Variants in SPAG16 observed in about 807,000 individuals in gnomAD.
SPAG16 encodes sperm associated antigen 16.
SPAG16 carries 86 observed loss-of-function variants against 80.4 expected under a neutral mutation model. The ratio of observed to expected loss-of-function variants is 1.07; its 90% CI spans 0.90 to 1.28. SPAG16 has a LOEUF of 1.28. Among genes scored for constraint, SPAG16 ranks in the 50% most tolerant of loss-of-function variants. The pLI is 0.00. For missense variants in SPAG16, 870 were observed against 765.3 expected, an observed-to-expected ratio of 1.14 and a Z score of -1.61; for synonymous variants, 294 against 265.9, an observed-to-expected ratio of 1.11 and a Z score of -1.03.
chr2:213,292,255 A>T (rs1357855616), intron 1 of SPAG16, among the ~76,000 whole-genome samples: 1 of 152,226 alleles, frequency 6.6e-6, no homozygotes, highest in African/African-American at 2.4e-5. Flanking sequence ...AGACATACAA[A>T]TGACCGCTTA....
chr2:213,774,143 T>G (rs1443892760), intron 10 of SPAG16, among the ~76,000 whole-genome samples: 8 of 152,302 alleles, frequency 5.3e-5, no homozygotes, highest in Non-Finnish European at 5.9e-5. Flanking sequence ...TCTTTTGGTC[T>G]CTTTATCTTG....
intron 11 of SPAG16, among the ~76,000 whole-genome samples, chr2:213,899,821 G>GT (rs984060464): frequency 2.4e-4 from 37 of 152,024 alleles, no homozygotes; most frequent in African/African-American, 7.2e-4. Flanking sequence ...CAATAAAGAG[G>GT]TTTTTTTCTA....
At chr2:214,267,891 T>C (rs1336792254) in intron 15 of SPAG16, among the ~76,000 whole-genome samples, 2 of 151,644 alleles carry the variant, frequency 1.3e-5, no homozygotes, top group Admixed American at 6.6e-5. Flanking sequence ...AGAAAACCCA[T>C]AGATCAGGAG....
intron 10 of SPAG16, among the ~76,000 whole-genome samples, chr2:213,737,103 G>T (rs1013784527): frequency 1.3e-5 from 2 of 152,152 alleles, no homozygotes; most frequent in African/African-American, 4.8e-5. Flanking sequence ...TCACTAAGAT[G>T]ATGGTTCTTG....
intron 10 of SPAG16, among the ~76,000 whole-genome samples, chr2:213,628,830 A>G (rs1427423485): frequency 1.3e-5 from 2 of 152,222 alleles, no homozygotes; most frequent in Non-Finnish European, 2.9e-5. Context: ...AACTGAAATT[A>G]CCTAACCAAG....
At chr2:213,377,999 GGCTGTCT>G (rs2125223728) in intron 9 of SPAG16, among the ~76,000 whole-genome samples, 1 of 151,772 alleles carries the variant, frequency 6.6e-6, no homozygotes, top group African/African-American at 2.4e-5. Context: ...TCCCACAATA[GGCTGTCT>G]GCAAACTAAG....
At chr2:213,620,284 T>G (rs936124872) in intron 10 of SPAG16, among the ~76,000 whole-genome samples, 4 of 58,890 alleles carry the variant, frequency 6.8e-5, no homozygotes, top group African/African-American at 1.7e-4. Context: ...TTATTGAGTT[T>G]TTTTTTTTTT....
intron 9 of SPAG16, among the ~76,000 whole-genome samples, chr2:213,393,925 A>T (rs1401862222): frequency 6.6e-6 from 1 of 151,964 alleles, no homozygotes; most frequent in Admixed American, 6.6e-5. Context: ...ATTTTTTTCC[A>T]TTAGATTGTT....
chr2:214,154,613 G>A (rs1217881769), intron 15 of SPAG16, among the ~76,000 whole-genome samples: 6 of 149,220 alleles, frequency 4.0e-5, no homozygotes, highest in African/African-American at 1.5e-4. Flanking sequence ...TTATTTAATA[G>A]GAAATTTGCA....
intron 10 of SPAG16, among the ~76,000 whole-genome samples, chr2:213,668,522 G>C (rs948346145): frequency 3.9e-4 from 59 of 151,840 alleles, no homozygotes; most frequent in African/African-American, 1.3e-3. Context: ...TATTTAGAGT[G>C]GTATATTTTC....
In SPAG16 at chr2:214,094,003, C is replaced by T. The variant is rs142231854; in HGVS notation, c.1528-14193C>T. On this transcript the variant is annotated intron_variant, in intron 13 of 15. Coordinates refer to ENST00000331683, the MANE Select transcript of SPAG16 (RefSeq NM_024532.5). ...TAAGGTGTGGTCTGTGCACAAGGAA[C>T]GACCATATCACCTGGGAGCTTATGA... Among the ~76,000 whole-genome samples, 562 of 152,112 alleles carry T rather than the reference C, an allele frequency of 3.7e-3. 4 individuals carry two copies. Among genetic ancestry groups the T allele is most frequent in the African/African-American group, 0.013 (527 of 41,532 alleles).
intron 12 of SPAG16, among the ~76,000 whole-genome samples, chr2:213,978,241 A>G (rs2045521386): frequency 6.6e-6 from 1 of 152,028 alleles, no homozygotes; most frequent in East Asian, 1.9e-4. Flanking sequence ...AACATTTTTA[A>G]TGGAAATTTC....
chr2:214,167,414 G>T (rs2125622663), intron 15 of SPAG16, among the ~76,000 whole-genome samples: 1 of 152,170 alleles, frequency 6.6e-6, no homozygotes, highest in African/African-American at 2.4e-5. Flanking sequence ...GGGAGTGTTA[G>T]GATGCCCATG....
At chr2:213,772,793 A>G (rs2069331621) in intron 10 of SPAG16, among the ~76,000 whole-genome samples, 1 of 152,202 alleles carries the variant, frequency 6.6e-6, no homozygotes, top group African/African-American at 2.4e-5. Context: ...TTGAACCTGT[A>G]CATCAATTTG....
chr2:214,357,731 GTGGCT>G (rs1001348856), intron 15 of SPAG16, among the ~76,000 whole-genome samples: 2 of 151,708 alleles, frequency 1.3e-5, no homozygotes, highest in African/African-American at 4.8e-5. Flanking sequence ...TCTCCTTCAT[GTGGCT>G]TGTTACCTTA....
At chr2:213,838,050 C>T (rs553267392) in intron 10 of SPAG16, among the ~76,000 whole-genome samples, 72 of 151,926 alleles carry the variant, frequency 4.7e-4, no homozygotes, top group African/African-American at 1.7e-3. Context: ...GTTTTGCTGC[C>T]GTTCTTACGG....
chr2:213,335,012 T>C (rs1387591121), intron 5 of SPAG16, among the ~76,000 whole-genome samples: 1 of 152,204 alleles, frequency 6.6e-6, no homozygotes, highest in African/African-American at 2.4e-5. Flanking sequence ...TCCATGATTA[T>C]TACACATGCA....
intron 10 of SPAG16, among the ~76,000 whole-genome samples, chr2:213,841,642 TGTA>T (rs1223918299): frequency 6.6e-6 from 1 of 152,166 alleles, no homozygotes; most frequent in Admixed American, 6.5e-5. Context: ...GTTAGGTTAA[TGTA>T]GTACAATTAG....
intron 10 of SPAG16, among the ~76,000 whole-genome samples, chr2:213,786,323 G>C (rs1490985926): frequency 1.3e-5 from 2 of 152,118 alleles, no homozygotes; most frequent in Non-Finnish European, 2.9e-5. Context: ...TAGAATTTTG[G>C]AGTTTAAGTG....
Sources: allele counts gnomAD v4.1 joint callset (sites outside exome capture counted in the v4.1 genomes callset), GRCh38; gene constraint gnomAD v4.1.1; transcripts MANE v1.5; gene names NCBI Gene and HGNC (gene_info 2026-07-23, HGNC 2026-07-21).